Variants in FLNB observed in about 807,000 individuals in gnomAD.
FLNB encodes filamin-B.
A neutral mutation model predicts 250.6 loss-of-function variants in FLNB; 111 were observed. That is an observed-to-expected ratio of 0.44 (90% CI 0.38 to 0.52). FLNB has a LOEUF of 0.52. FLNB is among the 20% of genes least tolerant of loss of function. The probability of loss-of-function intolerance (pLI) is 0.00; values close to 1 mark genes in which losing one functional copy is unlikely to be tolerated. For missense variants in FLNB, 2,869 were observed against 3,447.8 expected, an observed-to-expected ratio of 0.83 and a Z score of 4.20; for synonymous variants, 1,302 against 1,372.1, an observed-to-expected ratio of 0.95 and a Z score of 1.13.
intron 33 of FLNB, chr3:58,146,542 G>C (rs1390137202): frequency 2.6e-5 from 12 of 468,910 alleles, no homozygotes; most frequent in South Asian, 2.1e-5. Context: ...GATGTACACG[G>C]CTCCTTCCTT....
chr3:58,032,149 GGTCTTGAACTCCTGAGCTCAA>G (rs1403971394), intron 1 of FLNB, among the ~76,000 whole-genome samples: 6 of 151,886 alleles, frequency 4.0e-5, no homozygotes, highest in Non-Finnish European at 7.4e-5. Flanking sequence ...TGCCCAGGCT[GGTCTTGAACTCCTGAGCTCAA>G]GCAATCCTCT....
chr3:58,131,309 TCTGGGAATGCCAGGCACATGATGCA>T (rs2097306966), intron 25 of FLNB, among the ~76,000 whole-genome samples: 1 of 152,210 alleles, frequency 6.6e-6, no homozygotes. Context: ...TACCAGAACC[TCTGGGAATGCCAGGCACATGATGCA>T]CGTGATACGT....
chr3:58,126,639 G>A lies in FLNB; in HGVS notation c.4099G>A (p.Gly1367Arg). Residue 1367 changes from glycine (G) to arginine (R), a missense_variant, in exon 24 of 46, where the codon GGA (glycine) becomes AGA (arginine). Gly to Arg is a moderately radical substitution (Grantham distance 125, BLOSUM62 -2). Coordinates refer to ENST00000295956, the MANE Select transcript of FLNB (RefSeq NM_001457.4). ...TGGTGGGCTTGGCATAACTGTTGAG[G>A]GACCATCAGAGTCGAAGATAAATTG... ...GIGGLGITVE[G>R]PSESKINCRD... 1.2e-6 allele frequency: 2 copies of A among 1,613,968 alleles called. No homozygotes were observed. Among genetic ancestry groups the A allele is most frequent in the South Asian group, 1.1e-5 (1 of 91,078 alleles).
chr3:58,108,484 G>A lies in FLNB; in HGVS notation c.1968G>A (p.Glu656=). 6.2e-7 allele frequency: 1 copy of A among 1,613,888 alleles called. No homozygotes were observed. Among genetic ancestry groups the A allele is most frequent in the Admixed American group, 1.7e-5 (1 of 60,024 alleles). Residue 656 remains glutamate (E), a synonymous_variant, in exon 13 of 46, where the codon GAG becomes GAA. Coordinates refer to ENST00000295956, the MANE Select transcript of FLNB (RefSeq NM_001457.4). ...TTCGAGCATACGGGCCAGGTTTGGA[G>A]AAATCTGGATGCATTGTCAACAACC... ...DLVRAYGPGL[E]KSGCIVNNLA... is the part of the protein sequence containing the mutation.
chr3:58,100,059 G>A (rs1410072475), intron 8 of FLNB, among the ~76,000 whole-genome samples: 1 of 151,956 alleles, frequency 6.6e-6, no homozygotes, highest in Non-Finnish European at 1.5e-5. Flanking sequence ...ACACATTAAA[G>A]CCCTCCGAGG....
chr3:58,067,817 C>T (rs947694153), intron 1 of FLNB, among the ~76,000 whole-genome samples: 1 of 152,050 alleles, frequency 6.6e-6, no homozygotes, highest in East Asian at 1.9e-4. Flanking sequence ...CCTCGTGATC[C>T]GCCCACCTCC....
At chr3:58,078,690 A>C (rs1029732918) in intron 2 of FLNB, 27 bp from the exon 3 acceptor site, 1 of 1,603,524 alleles carries the variant, frequency 6.2e-7, no homozygotes, top group Non-Finnish European at 8.5e-7. Flanking sequence ...GCTAATGCTA[A>C]AAGAATCTTT....
intron 2 of FLNB, chr3:58,078,154 T>C (rs566557500): frequency 3.4e-6 from 2 of 585,232 alleles, no homozygotes; most frequent in Admixed American, 1.3e-4. Flanking sequence ...CCAGGAAAAA[T>C]TCAAAGTGCA....
At chr3:58,166,141 C>A (rs2097369974) in intron 43 of FLNB, 1 of 152,194 alleles carries the variant, frequency 6.6e-6, no homozygotes, top group South Asian at 2.1e-4. Flanking sequence ...AATAACAGGA[C>A]CCACCTAATA....
chr3:58,146,713 C>G, intron 33 of FLNB, 107 bp from the exon 34 acceptor site: 1 of 1,165,030 alleles, frequency 8.6e-7, no homozygotes, highest in African/African-American at 1.5e-5. Context: ...GTGCGTCAAT[C>G]CATTGTCCCC....
At position 58,090,992 on chromosome 3, in the gene FLNB, G is replaced by A. The variant is rs982581895; in HGVS notation, c.788-3844G>A. Among the ~76,000 whole-genome samples the A allele has an allele frequency of 5.3e-5, 8 of 151,876 alleles. No individual in the cohort carries two copies. In the South Asian group the frequency reaches 1.7e-3, roughly 32 times the overall value. On this transcript the variant is annotated intron_variant, in intron 4 of 45. Coordinates refer to ENST00000295956, the MANE Select transcript of FLNB (RefSeq NM_001457.4). ...ACTCGGGAGGCTGAGGCAGGAGAAT[G>A]GCATGAACCCGGGAGGCAGAGCTTG...
intron 33 of FLNB, 30 bp from the exon 34 acceptor site, chr3:58,146,790 A>G (rs1026038454): frequency 6.2e-7 from 1 of 1,613,360 alleles, no homozygotes; most frequent in South Asian, 1.1e-5. Context: ...TCTCTCCCTA[A>G]CACCCCTGCA....
chr3:58,138,140 A>C, intron 28 of FLNB, 142 bp from the exon 29 acceptor site: 1 of 1,033,716 alleles, frequency 9.7e-7, no homozygotes, highest in Non-Finnish European at 1.5e-6. Context: ...TGATCAGGGG[A>C]TCTTTGGGAT....
intron 1 of FLNB, among the ~76,000 whole-genome samples, chr3:58,066,013 C>T (rs1452767702): frequency 6.6e-6 from 1 of 152,144 alleles, no homozygotes; most frequent in Admixed American, 6.6e-5. Flanking sequence ...CTCTGAGCTC[C>T]TCCACTTCTG....
At chr3:58,057,386 G>A (rs1026921116) in intron 1 of FLNB, among the ~76,000 whole-genome samples, 17 of 152,176 alleles carry the variant, frequency 1.1e-4, no homozygotes, top group African/African-American at 3.6e-4. Flanking sequence ...CTAATGTTTT[G>A]TGCCCAATCT....
In FLNB at chr3:58,122,742, C is replaced by A. The variant is rs189778099; in HGVS notation, c.3127-351C>A. 1.8e-4 allele frequency among the ~76,000 whole-genome samples: 27 copies of A among 152,304 alleles called. No homozygotes were observed. The East Asian group carries it at 3.9e-3, about 22-fold the overall frequency. On this transcript the variant is annotated intron_variant, in intron 20 of 45. Coordinates refer to ENST00000295956, the MANE Select transcript of FLNB (RefSeq NM_001457.4). Reference sequence around the variant, plus strand: ...GCTCCACAAGAGCCCTTCCATGAGCCCTCAACCTGGGATCTCGTGTATCTT... The same window carrying A: ...GCTCCACAAGAGCCCTTCCATGAGCACTCAACCTGGGATCTCGTGTATCTT...
intron 19 of FLNB, among the ~76,000 whole-genome samples, chr3:58,119,687 A>G (rs1323356028): frequency 6.6e-6 from 1 of 152,208 alleles, no homozygotes; most frequent in Non-Finnish European, 1.5e-5. Flanking sequence ...AAGTAAAAAT[A>G]TATCCATTTT....
chr3:58,129,071 G>T (rs2097302218), intron 24 of FLNB, among the ~76,000 whole-genome samples: 1 of 152,172 alleles, frequency 6.6e-6, no homozygotes, highest in Admixed American at 6.5e-5. Flanking sequence ...CTTCTAATTT[G>T]CTTTCATGGT....
At chr3:58,049,347 C>G (rs908086420) in intron 1 of FLNB, among the ~76,000 whole-genome samples, 1 of 152,140 alleles carries the variant, frequency 6.6e-6, no homozygotes. Flanking sequence ...GTGGTATCTC[C>G]GTGCTGTGGC....
Sources: gnomAD v4.1 joint callset for allele counts (sites outside exome capture counted in the v4.1 genomes callset) on GRCh38, gnomAD v4.1.1 for gene constraint, MANE v1.5 for transcripts, NCBI Gene and HGNC (gene_info 2026-07-23, HGNC 2026-07-21) for gene names.